The following DISP1 variants were observed in gnomAD, a reference collection of about 807,000 sequenced individuals.
DISP1 encodes the protein protein dispatched homolog 1.
DISP1 carries 30 observed loss-of-function variants against 37.3 expected under a neutral mutation model. That is an observed-to-expected ratio of 0.80 (90% confidence interval 0.60 to 1.09). The LOEUF is 1.09. DISP1 is among the 50% of genes least tolerant of loss of function. DISP1 has a pLI of 0.00. For missense variants in DISP1, 1,598 were observed against 1,879.5 expected, an observed-to-expected ratio of 0.85 and a Z score of 2.77; for synonymous variants, 634 against 690.2, an observed-to-expected ratio of 0.92 and a Z score of 1.28.
chr1:222,864,403 T>G (rs1234036151), intron 1 of DISP1, among the ~76,000 whole-genome samples: 1 of 152,206 alleles, frequency 6.6e-6, no homozygotes, highest in Non-Finnish European at 1.5e-5. Context: ...AAAACTTTCT[T>G]GAGTAAATAG....
chr1:222,948,985 A>ACT (rs911197575), intron 3 of DISP1, among the ~76,000 whole-genome samples: 52 of 152,166 alleles, frequency 3.4e-4, no homozygotes, highest in African/African-American at 1.3e-3. Context: ...TGTATAGTAG[A>ACT]CTCTCTTTCA....
intron 2 of DISP1, among the ~76,000 whole-genome samples, chr1:222,934,431 G>A (rs1474935000): frequency 5.9e-5 from 9 of 152,004 alleles, no homozygotes; most frequent in Admixed American, 4.6e-4. Context: ...TGGCTTCTGC[G>A]TAGCCCCACT....
chr1:222,929,065 AG>A (rs1366987278), intron 2 of DISP1, among the ~76,000 whole-genome samples: 2 of 152,188 alleles, frequency 1.3e-5, no homozygotes, highest in Admixed American at 6.5e-5. Flanking sequence ...TAAAGAGAGT[AG>A]TTTGGTGAAG....
chr1:222,962,277 TAAGAG>T (rs1215285494), intron 3 of DISP1, among the ~76,000 whole-genome samples: 3 of 151,972 alleles, frequency 2.0e-5, no homozygotes, highest in Non-Finnish European at 2.9e-5. Context: ...CTCAAGGAAA[TAAGAG>T]AAGACACAAA....
intron 1 of DISP1, among the ~76,000 whole-genome samples, chr1:222,815,974 T>A (rs1661119235): frequency 6.6e-6 from 1 of 152,076 alleles, no homozygotes; most frequent in African/African-American, 2.4e-5. Flanking sequence ...GGGTTTAGTC[T>A]TTTAGTTTAA....
At chr1:222,952,849 AAAAC>A (rs370273414) in intron 3 of DISP1, among the ~76,000 whole-genome samples, 5 of 151,904 alleles carry the variant, frequency 3.3e-5, no homozygotes, top group East Asian at 1.9e-4. Flanking sequence ...GTCTAAAAAC[AAAAC>A]AAACAAACAA....
intron 1 of DISP1, among the ~76,000 whole-genome samples, chr1:222,832,813 T>TTCCG (rs1666084279): frequency 6.6e-6 from 1 of 151,370 alleles, no homozygotes; most frequent in African/African-American, 2.5e-5. Flanking sequence ...TGAGACTCAC[T>TTCCG]TGAACCCGGG....
chr1:222,834,206 T>C (rs1666446663), intron 1 of DISP1, among the ~76,000 whole-genome samples: 1 of 152,096 alleles, frequency 6.6e-6, no homozygotes, highest in South Asian at 2.1e-4. Context: ...TCCTTAGAAG[T>C]TTGATGATTC....
At chr1:222,815,127 C>T (rs1231819129) in intron 1 of DISP1, 49 bp downstream of exon 1, 1 of 152,086 alleles carries the variant, frequency 6.6e-6, no homozygotes, top group Non-Finnish European at 1.5e-5. Flanking sequence ...TCAGTGGATG[C>T]CTTTCGGCGC....
chr1:222,932,922 A>T (rs1441241692), intron 2 of DISP1, among the ~76,000 whole-genome samples: 1 of 152,018 alleles, frequency 6.6e-6, no homozygotes, highest in African/African-American at 2.4e-5. Context: ...TTTACCTGAG[A>T]TTGAAAGAGA....
At chr1:222,948,649 T>C (rs1418263954) in intron 3 of DISP1, among the ~76,000 whole-genome samples, 2 of 152,236 alleles carry the variant, frequency 1.3e-5, no homozygotes, top group Non-Finnish European at 2.9e-5. Flanking sequence ...AAGTTCTTTT[T>C]AAATTGATAA....
Position 222,978,207 on chromosome 1 carries a change from T to C in DISP1, c.510-4873T>C, listed in dbSNP as rs570720558. Reference sequence around the variant, plus strand: ...TGTTGTTTCCTGACTTTTTAATGATTGCCATTCTAACTGGTGTGAGATGGT... The same window carrying C: ...TGTTGTTTCCTGACTTTTTAATGATCGCCATTCTAACTGGTGTGAGATGGT... On this transcript the variant is annotated intron_variant, in intron 3 of 8. Transcript: ENST00000675850. Among the ~76,000 whole-genome samples the C allele has an allele frequency of 3.9e-3, 599 of 152,314 alleles. 2 individuals carry two copies. The highest frequency in any genetic ancestry group is 5.6e-3 in the Non-Finnish European group (384 of 68,026).
In DISP1 at chr1:223,002,943, T is replaced by A; in HGVS notation, c.1546T>A (p.Leu516Ile). The change falls in exon 9 of 9, where the codon TTA becomes ATA. Residue 516 changes from leucine to isoleucine, a missense_variant. By Grantham distance (5) the Leu-to-Ile change is conservative. Transcript: ENST00000675850. ...YPAIAIVIVL[L>I]VMCVYTKSMF... is the part of the protein sequence containing the mutation. Reference sequence around the variant, plus strand: ...TGCCATAGCCATTGTGATTGTCCTTTTAGTTATGTGTGTCTACACCAAGTC... The same window carrying A: ...TGCCATAGCCATTGTGATTGTCCTTATAGTTATGTGTGTCTACACCAAGTC... The A allele has an allele frequency of 6.2e-7, 1 of 1,614,034 alleles. No individual in the cohort carries two copies.
At chr1:222,864,403 T>C (rs1234036151) in intron 1 of DISP1, among the ~76,000 whole-genome samples, 1 of 152,206 alleles carries the variant, frequency 6.6e-6, no homozygotes, top group Admixed American at 6.5e-5. Context: ...AAAACTTTCT[T>C]GAGTAAATAG....
In DISP1 at chr1:223,004,795, G is replaced by A; in HGVS notation, c.3398G>A (p.Cys1133Tyr). The change falls in exon 9 of 9, where the codon TGC (cysteine) becomes TAC (tyrosine). Residue 1133 changes from cysteine (C) to tyrosine (Y), a missense_variant. Coordinates refer to ENST00000675850, the MANE Select transcript of DISP1 (RefSeq NM_001377229.1). This position sits in a 1 kb window ranked among gnomAD's most constrained non-coding sequence, Gnocchi z 4.9. ...ATFFFQCMCR[C>Y]LGPQGTCGQI... ...TTCTTTTTCCAGTGCATGTGCCGGT[G>A]CCTTGGACCACAGGGTACCTGTGGT... 1 of 1,612,524 alleles carries A rather than the reference G, an allele frequency of 6.2e-7. No homozygotes were observed. Among genetic ancestry groups the A allele is most frequent in the Non-Finnish European group, 8.5e-7 (1 of 1,180,036 alleles).
chr1:222,866,413 C>T lies in DISP1; in HGVS notation c.-159+51335C>T, dbSNP rs184305798. 2.8e-3 allele frequency among the ~76,000 whole-genome samples: 421 copies of T among 152,068 alleles called. 3 individuals are homozygous for T. Among genetic ancestry groups the T allele is most frequent in the African/African-American group, 9.8e-3 (406 of 41,464 alleles). On this transcript the variant is annotated intron_variant, in intron 1 of 8. Transcript: ENST00000675850. Reference sequence around the variant, plus strand: ...AGGCTGGAGTGCAGTGGTACAATCTCGGCTCACTGCAACCTCTGCCTCCCA... The same window carrying T: ...AGGCTGGAGTGCAGTGGTACAATCTTGGCTCACTGCAACCTCTGCCTCCCA...
chr1:222,850,108 T>A (rs935893358), intron 1 of DISP1, among the ~76,000 whole-genome samples: 1 of 152,192 alleles, frequency 6.6e-6, no homozygotes, highest in Non-Finnish European at 1.5e-5. Flanking sequence ...ATAGGGTTTC[T>A]GTGAAATTTA....
At chr1:222,925,796 A>G (rs1392555225) in intron 1 of DISP1, among the ~76,000 whole-genome samples, 1 of 152,172 alleles carries the variant, frequency 6.6e-6, no homozygotes, top group African/African-American at 2.4e-5. Flanking sequence ...CAGAATCAGA[A>G]TTCTGGGGGA....
chr1:222,983,063 G>A lies in DISP1; in HGVS notation c.510-17G>A. 6.4e-7 allele frequency: 1 copy of A among 1,567,128 alleles called. No homozygotes were observed. The highest frequency in any genetic ancestry group is 1.2e-5 in the South Asian group (1 of 85,394). On this transcript the variant is annotated splice_polypyrimidine_tract_variant and intron_variant, in intron 3 of 8. Transcript: ENST00000675850. ...CTCTGTTTTTGATCATTTTTCCTTT[G>A]CTTTTTTTTTTTTCAGACCATCCAG...
Sources: gnomAD v4.1 joint callset for allele counts (sites outside exome capture counted in the v4.1 genomes callset) on GRCh38, gnomAD v4.1.1 for gene constraint, Gnocchi (gnomAD v3.1) non-coding constraint, MANE v1.5 for transcripts, NCBI Gene and HGNC (gene_info 2026-07-23, HGNC 2026-07-21) for gene names.